The following RBFOX1 variants were observed in gnomAD, a reference collection of about 807,000 sequenced individuals.
RBFOX1 encodes the protein RNA binding fox-1 homolog 1, also known as RNA binding protein fox-1 homolog 1.
A neutral mutation model predicts 57.7 loss-of-function variants in RBFOX1; 8 were observed. That is an observed-to-expected ratio of 0.14 (90% CI 0.08 to 0.25). The LOEUF is 0.25. Ranked by LOEUF, RBFOX1 falls within the 10% of genes least tolerant of loss-of-function variation. The pLI is 1.00. For synonymous variants in RBFOX1, 326 were observed against 222.4 expected, an observed-to-expected ratio of 1.47 and a Z score of -4.15; for missense variants, 611 against 548.5, an observed-to-expected ratio of 1.11 and a Z score of -1.14.
Position 7,709,074 on chromosome 16 carries a change from T to A in RBFOX1, c.1014T>A (p.Ala338=), listed in dbSNP as rs1393143584. The change falls in exon 15 of 16, where the codon GCT becomes GCA. Residue 338 remains alanine, a synonymous_variant. Transcript: ENST00000550418. ...CTTTCAGTTACGGACGAGTTTATGCTGCCGACCCCTACCACCACGCACTTG... is the reference window on the plus strand; with the variant it reads ...CTTTCAGTTACGGACGAGTTTATGCAGCCGACCCCTACCACCACGCACTTG... The part of the protein sequence containing the change: ...AYSDSYGRVY[A]ADPYHHALAP... The A allele has an allele frequency of 1.2e-6, 2 of 1,613,964 alleles. No homozygotes were observed. The highest frequency in any genetic ancestry group is 1.7e-6 in the Non-Finnish European group (2 of 1,179,876).
chr16:6,460,278 T>C (rs981912452), intron 2 of RBFOX1, among the ~76,000 whole-genome samples: 1 of 152,112 alleles, frequency 6.6e-6, no homozygotes. Context: ...GACTGTGTCC[T>C]AATCTCTTCT....
intron 5 of RBFOX1, among the ~76,000 whole-genome samples, chr16:7,541,529 G>A (rs1378668560): frequency 6.6e-6 from 1 of 152,032 alleles, no homozygotes; most frequent in Non-Finnish European, 1.5e-5. Flanking sequence ...TTACAGGATA[G>A]GAAATATATG....
intron 4 of RBFOX1, among the ~76,000 whole-genome samples, chr16:5,941,409 G>T (rs1280667171): frequency 2.0e-5 from 3 of 151,656 alleles, no homozygotes; most frequent in Non-Finnish European, 4.4e-5. Flanking sequence ...TGGATCACTT[G>T]AGCCCAGGAG....
chr16:7,061,355 C>G (rs1029563548), intron 4 of RBFOX1, among the ~76,000 whole-genome samples: 28 of 152,120 alleles, frequency 1.8e-4, no homozygotes, highest in African/African-American at 5.8e-4. Flanking sequence ...TTGATGAACG[C>G]AAGGAAATCA....
At position 5,912,334 on chromosome 16, in the gene RBFOX1, C is replaced by T. The variant is rs113640440; in HGVS notation, c.351+44999C>T. ...ATAATAAATGTTAGCCGTTGTTTTC[C>T]GTTTGTGTCCCATTGATGCCTGTAC... On this transcript the variant is annotated intron_variant, in intron 4 of 19. Transcript: ENST00000641259. Among the ~76,000 whole-genome samples, 33 of 152,252 alleles carry T rather than the reference C, an allele frequency of 2.2e-4. 1 individual carries two copies. Among genetic ancestry groups the T allele is most frequent in the African/African-American group, 5.8e-4 (24 of 41,550 alleles).
intron 4 of RBFOX1, among the ~76,000 whole-genome samples, chr16:5,915,955 A>C (rs1167731539): frequency 6.6e-6 from 1 of 152,228 alleles, no homozygotes; most frequent in Non-Finnish European, 1.5e-5. Flanking sequence ...TATTCAGTGC[A>C]CTGCCCTATG....
At chr16:5,554,122 C>T (rs1207100463) in intron 2 of RBFOX1, among the ~76,000 whole-genome samples, 5 of 152,082 alleles carry the variant, frequency 3.3e-5, no homozygotes, top group Non-Finnish European at 7.4e-5. Context: ...AGGTGGCCAC[C>T]ACCATGCCTG....
intron 4 of RBFOX1, among the ~76,000 whole-genome samples, chr16:7,054,756 T>G: frequency 6.6e-6 from 1 of 152,216 alleles, no homozygotes; most frequent in East Asian, 1.9e-4. Flanking sequence ...GCAGTCAAAA[T>G]GCATTTCCAG....
At chr16:6,185,494 C>T (rs552283662) in intron 1 of RBFOX1, among the ~76,000 whole-genome samples, 3 of 152,298 alleles carry the variant, frequency 2.0e-5, no homozygotes, top group East Asian at 3.9e-4. Flanking sequence ...AAACCAGAGC[C>T]TTGCTTTCCT....
intron 3 of RBFOX1, among the ~76,000 whole-genome samples, chr16:6,742,475 G>A (rs2072476012): frequency 1.3e-5 from 2 of 152,038 alleles, no homozygotes; most frequent in Admixed American, 1.3e-4. Flanking sequence ...CACATTTCTG[G>A]ACATTTATTC....
intron 1 of RBFOX1, among the ~76,000 whole-genome samples, chr16:6,047,292 ACCATCTCC>A (rs926763184): frequency 5.3e-5 from 8 of 152,180 alleles, no homozygotes; most frequent in Admixed American, 2.0e-4. Context: ...AATTAGGCTG[ACCATCTCC>A]CCATTCCCCA....
At chr16:5,243,586 A>G (rs1465475749) in intron 1 of RBFOX1, among the ~76,000 whole-genome samples, 7 of 152,070 alleles carry the variant, frequency 4.6e-5, no homozygotes, top group Non-Finnish European at 2.9e-5. Context: ...CCTCCCAGCT[A>G]TGGCTACCCC....
At chr16:5,938,005 A>G (rs538796803) in intron 4 of RBFOX1, among the ~76,000 whole-genome samples, 4 of 152,124 alleles carry the variant, frequency 2.6e-5, no homozygotes, top group African/African-American at 7.2e-5. Flanking sequence ...ATCACATTTA[A>G]TTTTTGGGTA....
chr16:6,428,354 T>G (rs1567249139), intron 2 of RBFOX1, among the ~76,000 whole-genome samples: 2 of 151,992 alleles, frequency 1.3e-5, no homozygotes, highest in Non-Finnish European at 2.9e-5. Flanking sequence ...CTATTACCAT[T>G]TTCATTATTA....
At chr16:6,964,053 C>G (rs546469909) in intron 3 of RBFOX1, among the ~76,000 whole-genome samples, 2 of 151,876 alleles carry the variant, frequency 1.3e-5, no homozygotes, top group Non-Finnish European at 2.9e-5. Flanking sequence ...AAGTCTTGCT[C>G]TGTCACCCAG....
At chr16:6,626,127 A>G (rs1047877330) in intron 2 of RBFOX1, among the ~76,000 whole-genome samples, 19 of 151,808 alleles carry the variant, frequency 1.3e-4, no homozygotes, top group African/African-American at 3.6e-4. Flanking sequence ...ATCAAGGCCT[A>G]AAATTCTGCA....
intron 1 of RBFOX1, among the ~76,000 whole-genome samples, chr16:5,294,804 G>A (rs1165830999): frequency 3.3e-5 from 5 of 151,838 alleles, no homozygotes; most frequent in Admixed American, 6.6e-5. Flanking sequence ...GCCGAGGTAG[G>A]CAGATCACTT....
intron 2 of RBFOX1, among the ~76,000 whole-genome samples, chr16:6,542,267 C>G (rs1431444155): frequency 6.6e-6 from 1 of 151,888 alleles, no homozygotes; most frequent in Non-Finnish European, 1.5e-5. Flanking sequence ...ATAAGCCATT[C>G]CTGACCAGAG....
intron 2 of RBFOX1, among the ~76,000 whole-genome samples, chr16:6,452,463 G>C (rs960678760): frequency 1.3e-5 from 2 of 151,880 alleles, no homozygotes; most frequent in African/African-American, 4.8e-5. Context: ...TCCTTCCATG[G>C]CTCCATCCTT....
Sources: gnomAD v4.1 joint callset for allele counts (sites outside exome capture counted in the v4.1 genomes callset) on GRCh38, gnomAD v4.1.1 for gene constraint, MANE v1.5 for transcripts, NCBI Gene and HGNC (gene_info 2026-07-23, HGNC 2026-07-21) for gene names.